The following ETNK1 variants were observed in gnomAD, a reference collection of about 807,000 sequenced individuals.
The protein encoded by ETNK1 is ethanolamine kinase 1.
In ETNK1, 8 loss-of-function variants were observed where a neutral mutation model predicts 45.1. That is an observed-to-expected ratio of 0.18 (90% CI 0.10 to 0.32). ETNK1 has a LOEUF of 0.32. Ranked by LOEUF, ETNK1 falls within the 10% of genes least tolerant of loss-of-function variation. The probability of loss-of-function intolerance (pLI) is 1.00; values close to 1 mark genes in which losing one functional copy is unlikely to be tolerated. For missense variants in ETNK1, 302 were observed against 430.6 expected (o/e 0.70, Z 2.64); for synonymous variants, 152 against 151.9 (o/e 1.00, Z -0.01).
At chr12:22,675,730 G>A (rs539147602) in intron 6 of ETNK1, among the ~76,000 whole-genome samples, 2 of 152,082 alleles carry the variant, frequency 1.3e-5, no homozygotes, top group East Asian at 3.9e-4. Context: ...GATTCAAAAT[G>A]AAAAAGAATA....
intron 2 of ETNK1, among the ~76,000 whole-genome samples, chr12:22,645,487 A>G (rs2137536908): frequency 6.6e-6 from 1 of 151,948 alleles, no homozygotes; most frequent in Admixed American, 6.6e-5. Context: ...ATCCTTTTCT[A>G]TACTTTTTGG....
rs1173973478 is a variant in ETNK1, at chr12:22,684,674, A to G, written c.1019+118A>G. ...TCAATTATAAAAGTTGTATACACTT[A>G]GTAATTGGTCTGTGAAGAAATTGCT... On this transcript the variant is annotated intron_variant, in intron 7 of 7. Transcript: ENST00000266517. 3.7e-6 allele frequency: 3 copies of G among 801,724 alleles called. No individual in the cohort carries two copies. In the East Asian group the frequency reaches 7.9e-5, roughly 21 times the overall value. The allele number at this position is 801,724 out of a possible 1,614,324, so 49.7% of individuals were successfully genotyped here.
In ETNK1 at chr12:22,685,057, G is replaced by T; in HGVS notation, c.*103G>T. The T allele has an allele frequency of 2.6e-6, 2 of 766,166 alleles. No individual in the cohort carries two copies. The highest frequency in any genetic ancestry group is 2.0e-5 in the South Asian group (1 of 49,034). 47.5% of individuals were successfully genotyped at this position (766,166 alleles called of 1,614,324 possible). ...TAGTTAAAATTCTGTTGTTTAATTT[G>T]GTTATCTTGCTTTATAAATTATGCC... On this transcript the variant is annotated 3_prime_UTR_variant, in exon 8 of 8. Coordinates refer to ENST00000266517, the MANE Select transcript of ETNK1 (RefSeq NM_018638.5).
chr12:22,673,365 T>C, intron 5 of ETNK1, 135 bp from the exon 6 acceptor site: 1 of 546,136 alleles, frequency 1.8e-6, no homozygotes, highest in Non-Finnish European at 3.1e-6. Context: ...AAATGCTTTT[T>C]ACTTAACATG....
chr12:22,670,278 C>G (rs1041456817), intron 4 of ETNK1, among the ~76,000 whole-genome samples: 1 of 152,006 alleles, frequency 6.6e-6, no homozygotes, highest in African/African-American at 2.4e-5. Flanking sequence ...TATATTCTTA[C>G]AGCCATCTCT....
intron 1 of ETNK1, among the ~76,000 whole-genome samples, chr12:22,637,250 C>A (rs868256039): frequency 6.6e-6 from 1 of 152,224 alleles, no homozygotes; most frequent in South Asian, 2.1e-4. Context: ...TCCCATCTCT[C>A]AGGGATCACT....
intron 3 of ETNK1, among the ~76,000 whole-genome samples, chr12:22,659,638 T>C (rs1005293647): frequency 6.6e-6 from 1 of 152,202 alleles, no homozygotes; most frequent in African/African-American, 2.4e-5. Flanking sequence ...ATTACAGTAG[T>C]AGTATATTAA....
chr12:22,656,637 G>T, intron 2 of ETNK1: 1 of 985,390 alleles, frequency 1.0e-6, no homozygotes, highest in African/African-American at 1.7e-5. Context: ...GCATGGAGCA[G>T]ACGAGAAGTC....
intron 4 of ETNK1, among the ~76,000 whole-genome samples, chr12:22,661,814 T>A (rs1954002302): frequency 6.6e-6 from 1 of 152,210 alleles, no homozygotes; most frequent in South Asian, 2.1e-4. Context: ...AGACTGATAC[T>A]TTTTGGTGAA....
At chr12:22,675,578 G>A (rs1406872894) in intron 6 of ETNK1, among the ~76,000 whole-genome samples, 1 of 151,902 alleles carries the variant, frequency 6.6e-6, no homozygotes, top group Admixed American at 6.6e-5. Context: ...GGCTGGTCTT[G>A]GACTCCTGGC....
At chr12:22,637,105 A>G (rs1183611431) in intron 1 of ETNK1, among the ~76,000 whole-genome samples, 1 of 152,126 alleles carries the variant, frequency 6.6e-6, no homozygotes, top group Admixed American at 6.6e-5. Flanking sequence ...CTGTTTTGAT[A>G]TCCTCCGATG....
At chr12:22,655,931 A>G (rs1465324796) in intron 2 of ETNK1, among the ~76,000 whole-genome samples, 2 of 152,238 alleles carry the variant, frequency 1.3e-5, no homozygotes, top group South Asian at 2.1e-4. Context: ...GGGGTGTTCT[A>G]TAGTGATACA....
At chr12:22,682,489 G>A (rs1259248516) in intron 6 of ETNK1, 1 of 280,512 alleles carries the variant, frequency 3.6e-6, no homozygotes, top group Non-Finnish European at 7.2e-6. Flanking sequence ...TCAAAAGTCA[G>A]TTACCTAGGT....
intron 1 of ETNK1, chr12:22,638,950 G>A (rs1476456759): frequency 2.0e-5 from 3 of 151,932 alleles, no homozygotes; most frequent in Non-Finnish European, 4.4e-5. Flanking sequence ...AGCACCATTA[G>A]AACACTGAGC....
intron 1 of ETNK1, among the ~76,000 whole-genome samples, chr12:22,628,730 T>C (rs1953536539): frequency 6.6e-6 from 1 of 152,116 alleles, no homozygotes; most frequent in Non-Finnish European, 1.5e-5. Context: ...GTTGTTTTTC[T>C]CACTAACTTG....
At chr12:22,671,736 G>A (rs1954109168) in intron 5 of ETNK1, among the ~76,000 whole-genome samples, 1 of 151,646 alleles carries the variant, frequency 6.6e-6, no homozygotes, top group African/African-American at 2.4e-5. Flanking sequence ...CTACTTGGGA[G>A]GCTGAGGCAG....
intron 2 of ETNK1, among the ~76,000 whole-genome samples, chr12:22,657,322 T>A (rs1220066550): frequency 6.6e-6 from 1 of 152,218 alleles, no homozygotes; most frequent in Non-Finnish European, 1.5e-5. Context: ...AATATTTTAA[T>A]GTATTAGATT....
intron 3 of ETNK1, 39 bp from the exon 4 acceptor site, chr12:22,661,024 A>T (rs1190849802): frequency 6.4e-7 from 1 of 1,566,736 alleles, no homozygotes; most frequent in Non-Finnish European, 8.6e-7. Flanking sequence ...CTTGAAAAAA[A>T]TGTCACACAA....
At position 22,689,970 on chromosome 12, in the gene ETNK1, A is replaced by G. The variant is rs1954290209; in HGVS notation, c.*5016A>G. 6.6e-6 allele frequency: 1 copy of G among 152,480 alleles called. No individual in the cohort carries two copies. Among genetic ancestry groups the G allele is most frequent in the Admixed American group, 6.5e-5 (1 of 15,274 alleles). 9.4% of individuals were successfully genotyped at this position (152,480 alleles called of 1,614,324 possible). A position where few individuals can be genotyped will look rare whatever the true frequency, so the allele number is the denominator to read the frequency against. ...ATGATATGAAGTATTTGAGTTTTAAAATATACTGTTATTAAAAGGAAAAAG... is the reference window on the plus strand; with the variant it reads ...ATGATATGAAGTATTTGAGTTTTAAGATATACTGTTATTAAAAGGAAAAAG... On this transcript the variant is annotated 3_prime_UTR_variant, in exon 8 of 8. Coordinates refer to ENST00000266517, the MANE Select transcript of ETNK1 (RefSeq NM_018638.5).
Sources: allele counts gnomAD v4.1 joint callset (sites outside exome capture counted in the v4.1 genomes callset), GRCh38; gene constraint gnomAD v4.1.1; transcripts MANE v1.5; gene names NCBI Gene and HGNC (gene_info 2026-07-23, HGNC 2026-07-21).